The following ZNF444 variants were observed in gnomAD, a reference collection of about 807,000 sequenced individuals.
The protein encoded by ZNF444 is endothelial zinc finger protein 2.
In ZNF444, 8 loss-of-function variants were observed where a neutral mutation model predicts 14.4. The ratio of observed to expected loss-of-function variants is 0.56; its 90% CI spans 0.33 to 1.00. The LOEUF (loss-of-function observed/expected upper bound fraction) is 1.00, where lower values mean the gene tolerates loss of function less well. Among genes scored for constraint, ZNF444 ranks in the 50% least tolerant of loss-of-function variants. The pLI is 0.03. For missense variants in ZNF444, 510 were observed against 504.8 expected, an observed-to-expected ratio of 1.01 and a Z score of -0.10; for synonymous variants, 258 against 235.9, an observed-to-expected ratio of 1.09 and a Z score of -0.86.
chr19:56,136,355 C>T (rs1030460489), upstream of ZNF444, among the ~76,000 whole-genome samples: 1 of 152,122 alleles, frequency 6.6e-6, no homozygotes, highest in Non-Finnish European at 1.5e-5. Flanking sequence ...CCTTTGTGCC[C>T]ATACAACATT....
In ZNF444 at chr19:56,160,023, G is replaced by T. The variant is rs200554083; in HGVS notation, c.806G>T (p.Arg269Leu). 1.3e-6 allele frequency: 2 copies of T among 1,511,274 alleles called. No homozygotes were observed. The highest frequency in any genetic ancestry group is 2.1e-4 in the Middle Eastern group (1 of 4,832). 93.6% of individuals were successfully genotyped at this position (1,511,274 alleles called of 1,614,324 possible). A position where few individuals can be genotyped will look rare whatever the true frequency, so the allele number is the denominator to read the frequency against. ...FYWREHLVRH[R>L]KTHSGARPFA... is the part of the protein sequence containing the mutation. ...TGGCGCGAGCACCTGGTGCGCCACC[G>T]CAAGACGCACTCGGGAGCGCGGCCC... The change falls in exon 5 of 5, where the codon CGC (arginine) becomes CTC (leucine). Residue 269 changes from arginine (R) to leucine (L), a missense_variant. Transcript: ENST00000337080.
At chr19:56,156,700 C>T (rs2031927040) in intron 3 of ZNF444, 1 of 152,282 alleles carries the variant, frequency 6.6e-6, no homozygotes, top group Non-Finnish European at 1.5e-5. Context: ...GTAACAAGGG[C>T]TGTGGGAGTC....
rs34118314 is a variant in ZNF444, at chr19:56,147,848, GTT to G, written c.297+642_297+643del. On this transcript the variant is annotated intron_variant, in intron 3 of 4. Coordinates refer to ENST00000337080, the MANE Select transcript of ZNF444 (RefSeq NM_018337.4). This position sits in a 1 kb window ranked among gnomAD's most constrained non-coding sequence, Gnocchi z 5.9. ...GGCAAAGCCAGGCCTCTCTGGGCAGGTTTGGTTTCTTGACCACACAGCAGGCA... is the reference window on the plus strand; with the variant it reads ...GGCAAAGCCAGGCCTCTCTGGGCAGGTGGTTTCTTGACCACACAGCAGGCA... 6.6e-6 allele frequency among the ~76,000 whole-genome samples: 1 copy of G among 152,182 alleles called. No individual in the cohort carries two copies. Among genetic ancestry groups the G allele is most frequent in the South Asian group, 2.1e-4 (1 of 4,834 alleles).
chr19:56,157,235 CCTAGGAT>C (rs1238006470), intron 3 of ZNF444: 5 of 152,476 alleles, frequency 3.3e-5, no homozygotes, highest in African/African-American at 1.2e-4. Context: ...TTGCGAGGCA[CCTAGGAT>C]CTAGTCAGCG....
chr19:56,132,935 C>CTTTTTTTTTTTTTTTTTTTTTTT (rs61365745), intron 1 of ZNF444, among the ~76,000 whole-genome samples: 35 of 94,296 alleles, frequency 3.7e-4, no homozygotes, highest in South Asian at 9.0e-4. Flanking sequence ...TTCTTTCTTT[C>CTTTTTTTTTTTTTTTTTTTTTTT]TTTTTTTTTT....
At position 56,160,246 on chromosome 19, in the gene ZNF444, G is replaced by C; in HGVS notation, c.*45G>C. 2 of 1,380,422 alleles carry C rather than the reference G, an allele frequency of 1.4e-6. No individual in the cohort carries two copies. Among genetic ancestry groups the C allele is most frequent in the Non-Finnish European group, 1.9e-6 (2 of 1,072,048 alleles). The allele number at this position is 1,380,422 out of a possible 1,614,324, so 85.5% of individuals were successfully genotyped here. A position where few individuals can be genotyped will look rare whatever the true frequency, so the allele number is the denominator to read the frequency against. The stretch of plus-strand genomic sequence containing the variant: ...ATCTCCCGCCCTTGGTGCTGCCCCC[G>C]GGCGGTACCTGCTCTCTCCCAGCGC... On this transcript the variant is annotated 3_prime_UTR_variant, in exon 5 of 5. Transcript: ENST00000337080.
In ZNF444 at chr19:56,158,532, G is replaced by A. The variant is rs750740169; in HGVS notation, c.336G>A (p.Arg112=). The A allele has an allele frequency of 7.4e-6, 12 of 1,611,844 alleles. No individual in the cohort carries two copies. Among genetic ancestry groups the A allele is most frequent in the Admixed American group, 1.7e-5 (1 of 59,794 alleles). ...CCCCCGATGGGTCGTCAGCAACGAG[G>A]GTGCCTCAGGATGTGACGCAGGGCC... ...AASPDGSSAT[R]VPQDVTQGPG... Residue 112 remains arginine (R), a synonymous_variant, in exon 4 of 5, where the codon AGG becomes AGA. Coordinates refer to ENST00000337080, the MANE Select transcript of ZNF444 (RefSeq NM_018337.4).
chr19:56,143,038 A>C (rs2030932157), intron 1 of ZNF444, among the ~76,000 whole-genome samples: 1 of 152,186 alleles, frequency 6.6e-6, no homozygotes. Context: ...GGCTGTCTTC[A>C]AGGCATCCAG....
chr19:56,147,130 C>T lies in ZNF444; in HGVS notation c.219C>T (p.Pro73=), dbSNP rs778261562. The T allele has an allele frequency of 2.4e-5, 37 of 1,556,824 alleles. No individual in the cohort carries two copies. Among genetic ancestry groups the T allele is most frequent in the Admixed American group, 5.7e-5 (3 of 52,490 alleles). Residue 73 remains proline (P), a synonymous_variant, in exon 3 of 5, where the codon CCC becomes CCT. Coordinates refer to ENST00000337080, the MANE Select transcript of ZNF444 (RefSeq NM_018337.4). This position sits in a 1 kb window ranked among gnomAD's most constrained non-coding sequence, Gnocchi z 5.9. ...LVLEQFLSAL[P]ADTQAWVCSR... Reference sequence around the variant, plus strand: ...TGGAACAGTTCCTGAGCGCGCTGCCCGCCGACACGCAGGCCTGGGTGTGCA... The same window carrying T: ...TGGAACAGTTCCTGAGCGCGCTGCCTGCCGACACGCAGGCCTGGGTGTGCA...
intron 3 of ZNF444, chr19:56,156,443 G>A (rs2031909110): frequency 6.6e-6 from 1 of 152,222 alleles, no homozygotes. Context: ...ACCCTTCTTG[G>A]CCTCCTTTGG....
intron 4 of ZNF444, 88 bp downstream of exon 4, chr19:56,158,690 A>AC (rs1395405893): frequency 8.2e-7 from 1 of 1,213,306 alleles, no homozygotes; most frequent in African/African-American, 1.5e-5. Context: ...AGGACCCAGG[A>AC]CAAGGACAGA....
chr19:56,142,619 G>A (rs1435070340), intron 1 of ZNF444, among the ~76,000 whole-genome samples: 3 of 152,294 alleles, frequency 2.0e-5, no homozygotes, highest in East Asian at 3.9e-4. Flanking sequence ...TAGACAAACC[G>A]GTCTTTGTCG....
In ZNF444 at chr19:56,147,535, C is replaced by G. The variant is rs889645972; in HGVS notation, c.297+327C>G. On this transcript the variant is annotated intron_variant, in intron 3 of 4. Transcript: ENST00000337080. This position sits in a 1 kb window ranked among gnomAD's most constrained non-coding sequence, Gnocchi z 5.9. ...AGAAGGCCACGAAGGCTCCAGGGAGCGCAGTTACCAGCTGTCCTCTCCCCG... is the reference window on the plus strand; with the variant it reads ...AGAAGGCCACGAAGGCTCCAGGGAGGGCAGTTACCAGCTGTCCTCTCCCCG... Among the ~76,000 whole-genome samples, 3 of 152,060 alleles carry G rather than the reference C, an allele frequency of 2.0e-5. No individual in the cohort carries two copies. Among genetic ancestry groups the G allele is most frequent in the East Asian group, 3.9e-4 (2 of 5,168 alleles).
intron 1 of ZNF444, among the ~76,000 whole-genome samples, chr19:56,142,566 C>T (rs1349308771): frequency 1.3e-5 from 2 of 152,188 alleles, no homozygotes; most frequent in African/African-American, 4.8e-5. Flanking sequence ...GGATAGCCCG[C>T]CACGACACAA....
intron 3 of ZNF444, chr19:56,157,831 C>T (rs2032003171): frequency 6.6e-6 from 1 of 152,162 alleles, no homozygotes. Context: ...GAATTCTCAT[C>T]CCTTTCCCTT....
At chr19:56,152,071 C>T (rs904136987) in intron 3 of ZNF444, among the ~76,000 whole-genome samples, 2 of 152,132 alleles carry the variant, frequency 1.3e-5, no homozygotes, top group Non-Finnish European at 2.9e-5. Context: ...GTGGCTCACG[C>T]CTGTCATCCC....
intron 1 of ZNF444, chr19:56,143,621 A>T (rs529702377): frequency 3.3e-5 from 5 of 152,326 alleles, no homozygotes; most frequent in Admixed American, 1.3e-4. Context: ...TCCTGCTGCA[A>T]CTTGGGGGTA....
At chr19:56,154,021 T>G (rs1375935154) in intron 3 of ZNF444, among the ~76,000 whole-genome samples, 1 of 152,086 alleles carries the variant, frequency 6.6e-6, no homozygotes, top group Non-Finnish European at 1.5e-5. Context: ...GCACAAACAC[T>G]GATGGTGGAA....
In ZNF444 at chr19:56,147,024, TG is replaced by T; in HGVS notation, c.117del (p.Leu40CysfsTer30). 1 of 1,497,142 alleles carries T rather than the reference TG, an allele frequency of 6.7e-7. No homozygotes were observed. The allele number at this position is 1,497,142 out of a possible 1,614,324, so 92.7% of individuals were successfully genotyped here. A position where few individuals can be genotyped will look rare whatever the true frequency, so the allele number is the denominator to read the frequency against. On this transcript the variant is annotated frameshift_variant, in exon 3 of 5. Transcript: ENST00000337080. LOFTEE classifies it high-confidence loss of function. The surrounding 1 kb of genome is among the most constrained non-coding windows in gnomAD (Gnocchi z 5.9). ...LGDAPGPREALGLLRALCRDW... is the reference protein window; with the variant it reads ...LGDAPGPREAXGLLRALCRDW... ...GACGCGCCGGGCCCGCGGGAGGCGCTGGGGCTGCTCCGCGCCCTGTGCCGGG... is the reference window on the plus strand; with the variant it reads ...GACGCGCCGGGCCCGCGGGAGGCGCTGGGCTGCTCCGCGCCCTGTGCCGGG...
Sources: allele counts gnomAD v4.1 joint callset (sites outside exome capture counted in the v4.1 genomes callset), GRCh38; gene constraint gnomAD v4.1.1; non-coding constraint Gnocchi (gnomAD v3.1); transcripts MANE v1.5; gene names NCBI Gene and HGNC (gene_info 2026-07-23, HGNC 2026-07-21).